PRMT1: variants seen among roughly 807,000 people sequenced by gnomAD.
PRMT1 encodes protein arginine methyltransferase 1.
A neutral mutation model predicts 47.4 loss-of-function variants in PRMT1; 5 were observed. That is an observed-to-expected ratio of 0.11 (90% confidence interval 0.06 to 0.22). The LOEUF is 0.22. Ranked by LOEUF, PRMT1 falls within the 10% of genes least tolerant of loss-of-function variation. The probability of loss-of-function intolerance (pLI) is 1.00; values close to 1 mark genes in which losing one functional copy is unlikely to be tolerated. For synonymous variants in PRMT1, 227 were observed against 204.6 expected (o/e 1.11, Z -0.94); for missense variants, 249 against 518.4 (o/e 0.48, Z 5.05).
Position 49,686,158 on chromosome 19 carries a change from G to A in PRMT1, c.825G>A (p.Val275=), listed in dbSNP as rs757365520. ...LTFTSPFCLQ[V]KRNDYVHALV... ...TCACCTCCCCGTTCTGCCTGCAAGTGAAGCGGAATGACTACGTGCACGCCC... is the reference window on the plus strand; with the variant it reads ...TCACCTCCCCGTTCTGCCTGCAAGTAAAGCGGAATGACTACGTGCACGCCC... The change falls in exon 9 of 11, where the codon GTG becomes GTA. Residue 275 remains valine, a synonymous_variant. Coordinates refer to ENST00000454376, the MANE Select transcript of PRMT1 (RefSeq NM_001536.6). 2 of 1,614,118 alleles carry A rather than the reference G, an allele frequency of 1.2e-6. No homozygotes were observed. Among genetic ancestry groups the A allele is most frequent in the Admixed American group, 3.3e-5 (2 of 60,008 alleles).
chr19:49,678,321 C>G (rs1453750159), intron 1 of PRMT1: 1 of 152,358 alleles, frequency 6.6e-6, no homozygotes, highest in African/African-American at 2.4e-5. Context: ...GGTCCTGAGC[C>G]CTGGGGTCCT....
At position 49,688,305 on chromosome 19, in the gene PRMT1, G is replaced by A. The variant is rs982263769; in HGVS notation, c.*60G>A. On this transcript the variant is annotated 3_prime_UTR_variant, in exon 11 of 11. Transcript: ENST00000454376. The surrounding 1 kb of genome is among the most constrained non-coding windows in gnomAD (Gnocchi z 5.3). ...CTGAGCGTTCCTAGGCGGTTTCGGGGCTCCCCCTTCCTCTCCCTCCCTCCC... is the reference window on the plus strand; with the variant it reads ...CTGAGCGTTCCTAGGCGGTTTCGGGACTCCCCCTTCCTCTCCCTCCCTCCC... 112 of 1,547,958 alleles carry A rather than the reference G, an allele frequency of 7.2e-5. No homozygotes were observed. Among genetic ancestry groups the A allele is most frequent in the Admixed American group, 2.5e-4 (15 of 59,840 alleles).
intron 5 of PRMT1, 86 bp downstream of exon 5, chr19:49,682,345 A>G (rs1462016967): frequency 7.5e-7 from 1 of 1,341,862 alleles, no homozygotes; most frequent in Non-Finnish European, 1.1e-6. Flanking sequence ...AGTGGGGTCT[A>G]CAGATGACCA....
rs1051700452 is a variant in PRMT1, at chr19:49,686,726, C to T, written c.1032C>T (p.Asn344=). 1.3e-5 allele frequency: 21 copies of T among 1,576,176 alleles called. No individual in the cohort carries two copies. Among genetic ancestry groups the T allele is most frequent in the Non-Finnish European group, 1.7e-5 (20 of 1,157,340 alleles). The part of the protein sequence containing the change: ...TIGMRPNAKN[N]RDLDFTIDLD... ...GCATGCGGCCCAACGCCAAGAACAA[C>T]GTGAGGCTCCGGGCAGCTGGGTGGG... Residue 344 remains asparagine, a splice_region_variant and synonymous_variant, in exon 10 of 11, where the codon AAC becomes AAT. Coordinates refer to ENST00000454376, the MANE Select transcript of PRMT1 (RefSeq NM_001536.6).
rs2082093179 is a variant in PRMT1, at chr19:49,680,086, G to A, written c.90+161G>A. On this transcript the variant is annotated intron_variant, in intron 2 of 10. Transcript: ENST00000454376. This position sits in a 1 kb window ranked among gnomAD's most constrained non-coding sequence, Gnocchi z 4.2. Reference sequence around the variant, plus strand: ...TAGTAGCAACCCCTCCAGGTTCACAGCCCCCGCTGGCCTCCCCCAGTATCG... The same window carrying A: ...TAGTAGCAACCCCTCCAGGTTCACAACCCCCGCTGGCCTCCCCCAGTATCG... The A allele has an allele frequency of 1.9e-6, 2 of 1,067,680 alleles. No homozygotes were observed. Among genetic ancestry groups the A allele is most frequent in the Non-Finnish European group, 1.4e-6 (1 of 714,284 alleles). The allele number at this position is 1,067,680 out of a possible 1,614,324, so 66.1% of individuals were successfully genotyped here.
rs552922124 is a variant in PRMT1 at position 49,686,614 on chromosome 19, C to G, written c.920C>G (p.Ser307Cys). The change falls in exon 10 of 11, where the codon TCC becomes TGC. Residue 307 changes from serine (S) to cysteine (C), a missense_variant. Physicochemically the swap from Ser to Cys is moderately radical, Grantham distance 112. Transcript: ENST00000454376. ...KRTGFSTSPE[S>C]PYTHWKQTVF... ...CCGCCCGCGCCCCCAGGCCCCGAGTCCCCGTACACGCACTGGAAGCAGACG... is the reference window on the plus strand; with the variant it reads ...CCGCCCGCGCCCCCAGGCCCCGAGTGCCCGTACACGCACTGGAAGCAGACG... The G allele has an allele frequency of 6.2e-7, 1 of 1,611,106 alleles. No homozygotes were observed. Among genetic ancestry groups the G allele is most frequent in the South Asian group, 1.1e-5 (1 of 90,956 alleles).
Position 49,688,396 on chromosome 19 carries a change from A to G in PRMT1, c.*151A>G, listed in dbSNP as rs1045893753. 1.3e-4 allele frequency: 88 copies of G among 687,750 alleles called. No homozygotes were observed. Among genetic ancestry groups the G allele is most frequent in the Non-Finnish European group, 2.1e-4 (85 of 400,222 alleles). The allele number at this position is 687,750 out of a possible 1,614,324, so 42.6% of individuals were successfully genotyped here. ...AGGGCACATCGTGACTGTGTTTTTC[A>G]TAACTTATGTTTTTATATGGTTGCA... is the stretch of plus-strand genomic sequence containing the variant. On this transcript the variant is annotated 3_prime_UTR_variant, in exon 11 of 11. Transcript: ENST00000454376. The surrounding 1 kb of genome is among the most constrained non-coding windows in gnomAD (Gnocchi z 5.3).
At chr19:49,679,672 G>T in intron 1 of PRMT1, 200 bp from the exon 2 acceptor site, 1 of 683,656 alleles carries the variant, frequency 1.5e-6, no homozygotes, top group Admixed American at 2.1e-5. Context: ...TGGGATAGGA[G>T]ACCCCCCTTT....
rs536935816 is a variant in PRMT1 at position 49,679,718 on chromosome 19, C to T, written c.37-154C>T. Reference sequence around the variant, plus strand: ...CACTTTTCCCACCCTTTCTTAAACACCCCACCTCATTACTTGCCCCCTTCG... The same window carrying T: ...CACTTTTCCCACCCTTTCTTAAACATCCCACCTCATTACTTGCCCCCTTCG... On this transcript the variant is annotated intron_variant, in intron 1 of 10. Transcript: ENST00000454376. 2.7e-4 allele frequency: 182 copies of T among 672,714 alleles called. 1 individual carries two copies. In the Middle Eastern group the frequency reaches 2.9e-3, roughly 11 times the overall value. 41.7% of individuals were successfully genotyped at this position (672,714 alleles called of 1,614,324 possible). A position where few individuals can be genotyped will look rare whatever the true frequency, so the allele number is the denominator to read the frequency against.
Position 49,685,561 on chromosome 19 carries a change from G to C in PRMT1, c.759+524G>C. 2.0e-6 allele frequency: 2 copies of C among 1,021,692 alleles called. No individual in the cohort carries two copies. The highest frequency in any genetic ancestry group is 2.3e-6 in the Non-Finnish European group (2 of 851,552). The allele number at this position is 1,021,692 out of a possible 1,614,324, so 63.3% of individuals were successfully genotyped here. On this transcript the variant is annotated intron_variant, in intron 8 of 10. Coordinates refer to ENST00000454376, the MANE Select transcript of PRMT1 (RefSeq NM_001536.6). This position sits in a 1 kb window ranked among gnomAD's most constrained non-coding sequence, Gnocchi z 4.7. The stretch of plus-strand genomic sequence containing the variant: ...GACCCTGTTTAAAAAAAAAAAATAC[G>C]GCGATGAGTATTTGTTGAGCTGGGA...
chr19:49,685,262 G>T lies in PRMT1; in HGVS notation c.759+225G>T, dbSNP rs1411099045. ...CATGCTTGGCACTTGGCTTCTGGCG[G>T]AGGAAACACCCAAAGCTGGCAGCTA... On this transcript the variant is annotated intron_variant, in intron 8 of 10. Transcript: ENST00000454376. The surrounding 1 kb of genome is among the most constrained non-coding windows in gnomAD (Gnocchi z 4.7). 1.4e-6 allele frequency: 2 copies of T among 1,464,070 alleles called. No individual in the cohort carries two copies. Among genetic ancestry groups the T allele is most frequent in the Non-Finnish European group, 1.8e-6 (2 of 1,107,338 alleles). The allele number at this position is 1,464,070 out of a possible 1,614,324, so 90.7% of individuals were successfully genotyped here. A position where few individuals can be genotyped will look rare whatever the true frequency, so the allele number is the denominator to read the frequency against.
At position 49,680,624 on chromosome 19, in the gene PRMT1, G is replaced by T. The variant is rs111983858; in HGVS notation, c.192+36G>T. Reference sequence around the variant, plus strand: ...ACAGTCCCCAAGGCCCCAATCTTAGGGGGGCTTAAATGTTGGGGAAGGGGT... The same window carrying T: ...ACAGTCCCCAAGGCCCCAATCTTAGTGGGGCTTAAATGTTGGGGAAGGGGT... On this transcript the variant is annotated intron_variant, in intron 3 of 10. Coordinates refer to ENST00000454376, the MANE Select transcript of PRMT1 (RefSeq NM_001536.6). The surrounding 1 kb of genome is among the most constrained non-coding windows in gnomAD (Gnocchi z 4.2). 4.3e-5 allele frequency: 65 copies of T among 1,508,620 alleles called. No individual in the cohort carries two copies. In the East Asian group the frequency reaches 1.2e-3, roughly 29 times the overall value. 93.5% of individuals were successfully genotyped at this position (1,508,620 alleles called of 1,614,324 possible).
In PRMT1 at chr19:49,685,104, G is replaced by A. The variant is rs553105801; in HGVS notation, c.759+67G>A. The A allele has an allele frequency of 3.5e-5, 57 of 1,605,780 alleles. No individual in the cohort carries two copies. The East Asian group carries it at 3.6e-4, about 10-fold the overall frequency. On this transcript the variant is annotated intron_variant, in intron 8 of 10. Transcript: ENST00000454376. This position sits in a 1 kb window ranked among gnomAD's most constrained non-coding sequence, Gnocchi z 4.7. ...CAAAGAGAGGCCATCACCTGGCCCT[G>A]GCATGGGACTTTGGGGCCCAGAATG...
chr19:49,683,888 C>T lies in PRMT1; in HGVS notation c.413-39C>T, dbSNP rs200630458. The T allele has an allele frequency of 2.6e-5, 41 of 1,589,900 alleles. No homozygotes were observed. In the East Asian group the frequency reaches 5.3e-4, roughly 21 times the overall value. On this transcript the variant is annotated intron_variant, in intron 5 of 10. Coordinates refer to ENST00000454376, the MANE Select transcript of PRMT1 (RefSeq NM_001536.6). ...GGGGGAGGTGAGGTGAGGGGCAGGC[C>T]TCCCGGGGGCTGACGTGGCCACCCT...
chr19:49,680,313 T>G lies in PRMT1; in HGVS notation c.91-174T>G, dbSNP rs2082098162. ...GGGTCCTGGAAGTGGAAAATGGGGT[T>G]GTTAGGTTTTGGGGTTCCTGGGGGG... On this transcript the variant is annotated intron_variant, in intron 2 of 10. Coordinates refer to ENST00000454376, the MANE Select transcript of PRMT1 (RefSeq NM_001536.6). The surrounding 1 kb of genome is among the most constrained non-coding windows in gnomAD (Gnocchi z 4.2). 18 of 1,232,552 alleles carry G rather than the reference T, an allele frequency of 1.5e-5. No homozygotes were observed. The highest frequency in any genetic ancestry group is 2.0e-5 in the Non-Finnish European group (17 of 847,130). 76.4% of individuals were successfully genotyped at this position (1,232,552 alleles called of 1,614,324 possible). A position where few individuals can be genotyped will look rare whatever the true frequency, so the allele number is the denominator to read the frequency against.
In PRMT1 at chr19:49,681,827, G is replaced by T; in HGVS notation, c.193-83G>T. The T allele has an allele frequency of 2.8e-6, 4 of 1,418,534 alleles. No homozygotes were observed. The highest frequency in any genetic ancestry group is 3.8e-6 in the Non-Finnish European group (4 of 1,050,218). The allele number at this position is 1,418,534 out of a possible 1,614,324, so 87.9% of individuals were successfully genotyped here. On this transcript the variant is annotated intron_variant, in intron 3 of 10. Coordinates refer to ENST00000454376, the MANE Select transcript of PRMT1 (RefSeq NM_001536.6). This position sits in a 1 kb window ranked among gnomAD's most constrained non-coding sequence, Gnocchi z 4.4. The stretch of plus-strand genomic sequence containing the variant: ...AAGAAAGCGAGAGGGCCGAGCTCTG[G>T]CCCTCCGAGCTCTCAGGACACGCTG...
upstream of PRMT1, chr19:49,676,999 A>C: frequency 2.7e-6 from 1 of 367,894 alleles, no homozygotes; most frequent in Non-Finnish European, 4.8e-6. Context: ...CCCAATCACC[A>C]GTCGCGCTTC....
At chr19:49,687,447 G>A (rs2082224595) in intron 10 of PRMT1, among the ~76,000 whole-genome samples, 1 of 152,038 alleles carries the variant, frequency 6.6e-6, no homozygotes, top group South Asian at 2.1e-4. Context: ...GTGGACCCTG[G>A]GACACCCACG....
chr19:49,680,523 A>C lies in PRMT1; in HGVS notation c.127A>C (p.Asn43His). Residue 43 changes from asparagine (N) to histidine (H), a missense_variant, in exon 3 of 11, where the codon AAC (asparagine) becomes CAC (histidine). Physicochemically the swap from Asn to His is moderately conservative, Grantham distance 68 (BLOSUM62 1). Transcript: ENST00000454376. This position sits in a 1 kb window ranked among gnomAD's most constrained non-coding sequence, Gnocchi z 4.2. ...CCAGGCGGAAAGCAGTGAGAAGCCC[A>C]ACGCTGAGGACATGACATCCAAAGA... ...CGQAESSEKP[N>H]AEDMTSKDYY... 6.2e-7 allele frequency: 1 copy of C among 1,614,124 alleles called. No homozygotes were observed. The highest frequency in any genetic ancestry group is 8.5e-7 in the Non-Finnish European group (1 of 1,179,988).
Sources: gnomAD v4.1 joint callset for allele counts (sites outside exome capture counted in the v4.1 genomes callset) on GRCh38, gnomAD v4.1.1 for gene constraint, Gnocchi (gnomAD v3.1) non-coding constraint, MANE v1.5 for transcripts, NCBI Gene and HGNC (gene_info 2026-07-23, HGNC 2026-07-21) for gene names.